BET1: variants seen among roughly 807,000 people sequenced by gnomAD.
BET1 encodes the protein Bet1 golgi vesicular membrane trafficking protein, also known as BET1 homolog.
BET1 carries 9 observed loss-of-function variants against 13.9 expected under a neutral mutation model. The ratio of observed to expected loss-of-function variants is 0.65; its 90% CI spans 0.39 to 1.13. The LOEUF (loss-of-function observed/expected upper bound fraction) is 1.13, where lower values mean the gene tolerates loss of function less well. Ranked by LOEUF, BET1 falls within the 50% of genes most tolerant of loss-of-function variation. The pLI is 0.01. For missense variants in BET1, 127 were observed against 133.6 expected (o/e 0.95, Z 0.24); for synonymous variants, 39 against 47.3 (o/e 0.82, Z 0.72).
intron 4 of BET1, among the ~76,000 whole-genome samples, chr7:93,978,650 T>TA (rs1346534780): frequency 2.6e-5 from 4 of 152,188 alleles, no homozygotes; most frequent in Non-Finnish European, 5.9e-5. Flanking sequence ...TTACTTAAAG[T>TA]AAAAAACTAT....
At chr7:93,968,283 G>C (rs1370068378) in intron 6 of BET1, 8 of 151,564 alleles carry the variant, frequency 5.3e-5, no homozygotes. Context: ...TTTTTTTTCT[G>C]ATTTACCAGA....
chr7:94,002,767 A>G (rs1795938609), intron 1 of BET1, among the ~76,000 whole-genome samples: 1 of 152,140 alleles, frequency 6.6e-6, no homozygotes, highest in Admixed American at 6.5e-5. Context: ...TACTTCACCC[A>G]AACTGGCTTA....
At chr7:93,972,609 A>G (rs1298348939) in exon 6 of BET1, 2 of 151,866 alleles carry the variant, frequency 1.3e-5, no homozygotes, top group African/African-American at 4.8e-5. Context: ...TTGGCCAAGA[A>G]GAGACTTTTC....
At chr7:94,002,714 G>A (rs145268576) in intron 1 of BET1, among the ~76,000 whole-genome samples, 74 of 151,980 alleles carry the variant, frequency 4.9e-4, no homozygotes, top group Middle Eastern at 6.8e-3. Context: ...CAAACTCTTT[G>A]GCCTCGCATG....
intron 2 of BET1, 49 bp from the exon 3 acceptor site, chr7:93,996,370 G>A: frequency 1.5e-6 from 2 of 1,302,666 alleles, no homozygotes; most frequent in Non-Finnish European, 1.1e-6. Flanking sequence ...AAGTATTCAA[G>A]TGTTATAAAG....
intron 4 of BET1, among the ~76,000 whole-genome samples, chr7:93,986,249 T>C (rs1178989120): frequency 6.6e-6 from 1 of 152,218 alleles, no homozygotes; most frequent in Non-Finnish European, 1.5e-5. Flanking sequence ...GTATCTCATT[T>C]GCAATTCAAA....
chr7:93,971,569 C>G (rs1316335524), intron 6 of BET1, among the ~76,000 whole-genome samples: 1 of 151,714 alleles, frequency 6.6e-6, no homozygotes, highest in Admixed American at 6.6e-5. Flanking sequence ...TTCACAGTAC[C>G]TTGTGAGCAG....
intron 4 of BET1, among the ~76,000 whole-genome samples, chr7:93,984,691 T>C (rs1562803275): frequency 6.6e-6 from 1 of 152,122 alleles, no homozygotes; most frequent in African/African-American, 2.4e-5. Flanking sequence ...AGCCTCCAGA[T>C]TGTGTTTGCA....
At chr7:94,002,447 G>C (rs1457675410) in intron 1 of BET1, among the ~76,000 whole-genome samples, 1 of 120,228 alleles carries the variant, frequency 8.3e-6, no homozygotes, top group Non-Finnish European at 1.7e-5. Flanking sequence ...AATCACAGAA[G>C]AGCTTTTTTT....
At chr7:93,978,575 G>C (rs763240146) in intron 4 of BET1, among the ~76,000 whole-genome samples, 3 of 152,030 alleles carry the variant, frequency 2.0e-5, no homozygotes, top group Non-Finnish European at 4.4e-5. Flanking sequence ...CTGTTGGCTT[G>C]TTTGACTATT....
At chr7:93,967,180 G>A (rs183967586) in intron 6 of BET1, among the ~76,000 whole-genome samples, 7 of 151,832 alleles carry the variant, frequency 4.6e-5, no homozygotes, top group Admixed American at 2.0e-4. Context: ...TTCTCAAACC[G>A]TATGGCAACT....
rs1795248569 is a variant in BET1, at chr7:93,970,804, G to C, written c.*137+1771C>G. Reference sequence around the variant, plus strand: ...CGACTCAAACTTATTAATTCGATTTGTATTTTAATTCAACCATTTAGTTTT... The same window carrying C: ...CGACTCAAACTTATTAATTCGATTTCTATTTTAATTCAACCATTTAGTTTT... On this transcript the variant is annotated intron_variant and NMD_transcript_variant, in intron 6 of 6. Transcript: ENST00000357520. 2.0e-5 allele frequency among the ~76,000 whole-genome samples: 3 copies of C among 151,750 alleles called. No individual in the cohort carries two copies. In the South Asian group the frequency reaches 6.2e-4, roughly 31 times the overall value.
At chr7:93,990,657 T>C (rs184366154), downstream of BET1, among the ~76,000 whole-genome samples, 445 of 152,250 alleles carry the variant, frequency 2.9e-3, 6 homozygotes, top group African/African-American at 0.01. Flanking sequence ...ATGTTGAAAT[T>C]AGCAAAGTCA....
intron 6 of BET1, among the ~76,000 whole-genome samples, chr7:93,968,999 C>T (rs34911443): frequency 0.14 from 21,624 of 151,806 alleles, 2,060 homozygotes; most frequent in Non-Finnish European, 0.21. Flanking sequence ...CTTCACTCTT[C>T]TGTGAAAGAT....
intron 4 of BET1, among the ~76,000 whole-genome samples, chr7:93,980,761 C>T (rs1046891613): frequency 5.9e-5 from 9 of 152,060 alleles, no homozygotes; most frequent in Non-Finnish European, 1.2e-4. Context: ...GAAGTCCTAG[C>T]GAGAGCAATC....
intron 4 of BET1, among the ~76,000 whole-genome samples, chr7:93,982,362 C>G (rs1795442875): frequency 6.6e-6 from 1 of 152,080 alleles, no homozygotes; most frequent in South Asian, 2.1e-4. Context: ...ATTGACAACT[C>G]TCAGTCATAA....
At chr7:93,980,569 A>G (rs1374198585) in intron 4 of BET1, among the ~76,000 whole-genome samples, 1 of 152,140 alleles carries the variant, frequency 6.6e-6, no homozygotes, top group Non-Finnish European at 1.5e-5. Flanking sequence ...AATTTAACAC[A>G]CTTCCATAAT....
downstream of BET1, among the ~76,000 whole-genome samples, chr7:93,989,819 G>T (rs1321769799): frequency 6.6e-6 from 1 of 152,050 alleles, no homozygotes; most frequent in Non-Finnish European, 1.5e-5. Context: ...AACTATTTTA[G>T]AAATAGTTTA....
intron 4 of BET1, among the ~76,000 whole-genome samples, chr7:93,980,962 C>T (rs1375187318): frequency 2.6e-5 from 4 of 152,046 alleles, no homozygotes; most frequent in Admixed American, 1.3e-4. Flanking sequence ...TTGGGAAAGT[C>T]GCCATTTACG....
Sources: gnomAD v4.1 joint callset for allele counts (sites outside exome capture counted in the v4.1 genomes callset) on GRCh38, gnomAD v4.1.1 for gene constraint, MANE v1.5 for transcripts, NCBI Gene and HGNC (gene_info 2026-07-23, HGNC 2026-07-21) for gene names.